Variants in POU2F2 observed in about 807,000 individuals in gnomAD.
The protein encoded by POU2F2 is POU domain, class 2, transcription factor 2.
A neutral mutation model predicts 63.5 loss-of-function variants in POU2F2; 14 were observed. That is an observed-to-expected ratio of 0.22 (90% CI 0.15 to 0.34). The LOEUF (loss-of-function observed/expected upper bound fraction) is 0.34, where lower values mean the gene tolerates loss of function less well. Ranked by LOEUF, POU2F2 falls within the 10% of genes least tolerant of loss-of-function variation. The probability of loss-of-function intolerance (pLI) is 1.00; values close to 1 mark genes in which losing one functional copy is unlikely to be tolerated. For synonymous variants in POU2F2, 306 were observed against 348.6 expected (o/e 0.88, Z 1.36); for missense variants, 607 against 815.2 (o/e 0.74, Z 3.11).
At chr19:42,111,814 C>T (rs1224161645) in intron 5 of POU2F2, among the ~76,000 whole-genome samples, 1 of 151,962 alleles carries the variant, frequency 6.6e-6, no homozygotes, top group Non-Finnish European at 1.5e-5. Context: ...CCCCTGCAGT[C>T]CATTCTCCTA....
In POU2F2 at chr19:42,162,984, G is replaced by A. The variant is rs1000522570; in HGVS notation, c.-69-2592C>T. Among the ~76,000 whole-genome samples, 7 of 152,104 alleles carry A rather than the reference G, an allele frequency of 4.6e-5. No individual in the cohort carries two copies. Among genetic ancestry groups the A allele is most frequent in the African/African-American group, 1.2e-4 (5 of 41,412 alleles). On this transcript the variant is annotated intron_variant, in intron 1 of 6. Transcript: ENST00000524801. The surrounding 1 kb of genome is among the most constrained non-coding windows in gnomAD (Gnocchi z 4.1). ...ATCTCTCAGCATCTCACATTTGTTC[G>A]GCGAGTGTCATCCCATGACACTGCT... is the stretch of plus-strand genomic sequence containing the variant.
chr19:42,099,854 C>CAGGACTCAGGCTATCTT, intron 5 of POU2F2, 33 bp from the exon 6 acceptor site: 1 of 1,527,732 alleles, frequency 6.5e-7, no homozygotes, highest in Non-Finnish European at 8.9e-7. Flanking sequence ...GAAAGATAGC[C>CAGGACTCAGGCTATCTT]TGAGTCCTGG....
intron 1 of POU2F2, among the ~76,000 whole-genome samples, chr19:42,166,659 G>A (rs1280267686): frequency 6.6e-6 from 1 of 152,118 alleles, no homozygotes; most frequent in African/African-American, 2.4e-5. Context: ...TCTGACAATG[G>A]GAGTAAGGAG....
At position 42,117,525 on chromosome 19, in the gene POU2F2, T is replaced by C; in HGVS notation, c.187-93A>G. ...GGTGTGGACATGAGGGTGCAGTCTG[T>C]GGTCCTGCACTGACCGCTGGGAGCT... On this transcript the variant is annotated intron_variant, in intron 4 of 14. Coordinates refer to ENST00000692977, the MANE Select transcript of POU2F2 (RefSeq NM_001394376.1). This position sits in a 1 kb window ranked among gnomAD's most constrained non-coding sequence, Gnocchi z 4.4. 1 of 649,870 alleles carries C rather than the reference T, an allele frequency of 1.5e-6. No individual in the cohort carries two copies. The highest frequency in any genetic ancestry group is 2.7e-6 in the Non-Finnish European group (1 of 374,272). The allele number at this position is 649,870 out of a possible 1,614,324, so 40.3% of individuals were successfully genotyped here. A position where few individuals can be genotyped will look rare whatever the true frequency, so the allele number is the denominator to read the frequency against.
At position 42,092,256 on chromosome 19, in the gene POU2F2, A is replaced by C. The variant is rs752311813; in HGVS notation, c.1279T>G (p.Ser427Ala). The change falls in exon 13 of 15, where the codon TCA becomes GCA. Residue 427 changes from serine to alanine, a missense_variant. Physicochemically the swap from Ser to Ala is moderately conservative, Grantham distance 99. Coordinates refer to ENST00000692977, the MANE Select transcript of POU2F2 (RefSeq NM_001394376.1). The surrounding 1 kb of genome is among the most constrained non-coding windows in gnomAD (Gnocchi z 5.0). ...CTGGGGTGGAGCGTCCCCACAGCTG[A>C]GGATAAGGTAGTAACTGCCAGAGAG... ...SLSTTVTTLS[S>A]AVGTLHPSRT... The C allele has an allele frequency of 6.4e-6, 10 of 1,553,482 alleles. No individual in the cohort carries two copies. Among genetic ancestry groups the C allele is most frequent in the Non-Finnish European group, 7.0e-6 (8 of 1,146,676 alleles).
chr19:42,185,536 AACC>A (rs1344077682), intron 1 of POU2F2, among the ~76,000 whole-genome samples: 2 of 151,980 alleles, frequency 1.3e-5, no homozygotes, highest in East Asian at 1.9e-4. Flanking sequence ...AACCACACCA[AACC>A]ACCACCACTT....
chr19:42,191,781 G>C (rs987471362), intron 1 of POU2F2, among the ~76,000 whole-genome samples: 8 of 152,222 alleles, frequency 5.3e-5, no homozygotes, highest in African/African-American at 1.9e-4. Flanking sequence ...TGGGATCAGA[G>C]AGCAGGATGC....
intron 1 of POU2F2, among the ~76,000 whole-genome samples, chr19:42,163,738 A>G (rs2034596290): frequency 6.6e-6 from 1 of 152,204 alleles, no homozygotes; most frequent in South Asian, 2.1e-4. Flanking sequence ...CCAAGCCTCA[A>G]TGTCTTCATT....
intron 1 of POU2F2, among the ~76,000 whole-genome samples, chr19:42,182,421 G>A (rs1258531333): frequency 9.9e-5 from 15 of 151,906 alleles, no homozygotes; most frequent in Admixed American, 2.0e-4. Flanking sequence ...GCTAGGAGGA[G>A]GAAGGGAGGT....
chr19:42,111,846 A>G (rs2031152783), intron 5 of POU2F2, among the ~76,000 whole-genome samples: 2 of 152,138 alleles, frequency 1.3e-5, no homozygotes, highest in African/African-American at 4.8e-5. Context: ...CGATTAGTAC[A>G]GTCACTCCAC....
intron 5 of POU2F2, among the ~76,000 whole-genome samples, chr19:42,107,119 G>A (rs1438638295): frequency 3.9e-5 from 6 of 152,276 alleles, no homozygotes; most frequent in East Asian, 3.9e-4. Flanking sequence ...AGGCCAAGGC[G>A]GGCGAATCAC....
At chr19:42,192,759 C>A (rs1467960695) in intron 1 of POU2F2, among the ~76,000 whole-genome samples, 2 of 152,122 alleles carry the variant, frequency 1.3e-5, no homozygotes, top group African/African-American at 4.8e-5. Flanking sequence ...AAGTAAACCA[C>A]AATGATAAAC....
chr19:42,153,835 C>T lies in POU2F2; in HGVS notation c.-9+6497G>A, dbSNP rs1405868782. ...CTCTGAGTGGGGGAGGGTGGCGAGG[C>T]AGCAGGGGCTGCCACGGAGACACTG... is the stretch of plus-strand genomic sequence containing the variant. On this transcript the variant is annotated intron_variant, in intron 2 of 6. Transcript: ENST00000524801. The surrounding 1 kb of genome is among the most constrained non-coding windows in gnomAD (Gnocchi z 5.6). Among the ~76,000 whole-genome samples the T allele has an allele frequency of 6.6e-6, 1 of 152,084 alleles. No individual in the cohort carries two copies. The highest frequency in any genetic ancestry group is 1.5e-5 in the Non-Finnish European group (1 of 67,994).
upstream of POU2F2, among the ~76,000 whole-genome samples, chr19:42,196,907 T>G (rs2035155401): frequency 6.6e-6 from 1 of 151,970 alleles, no homozygotes; most frequent in African/African-American, 2.4e-5. Context: ...CTGAACAGGG[T>G]TAAGGGGGAG....
At chr19:42,097,946 C>T (rs1946577611) in intron 7 of POU2F2, among the ~76,000 whole-genome samples, 1 of 152,168 alleles carries the variant, frequency 6.6e-6, no homozygotes, top group Non-Finnish European at 1.5e-5. Flanking sequence ...TCTCATCATC[C>T]ACCCACTCTC....
At chr19:42,182,027 G>T (rs1274216731) in intron 1 of POU2F2, among the ~76,000 whole-genome samples, 1 of 152,090 alleles carries the variant, frequency 6.6e-6, no homozygotes, top group East Asian at 1.9e-4. Context: ...GAGGATAAAG[G>T]GTGTAAGATA....
rs142627698 is a variant in POU2F2, at chr19:42,170,964, G to A, written c.-70+4999C>T. On this transcript the variant is annotated intron_variant, in intron 1 of 6. Coordinates refer to the POU2F2 transcript ENST00000524801. ...CTGACCAGCCATCTCGGCCATCAGC[G>A]GCCTCGGCCATTAGTCGGCTCCTGC... Among the ~76,000 whole-genome samples, 145 of 152,352 alleles carry A rather than the reference G, an allele frequency of 9.5e-4. 1 individual carries two copies. The East Asian group carries it at 0.024, about 25-fold the overall frequency.
At chr19:42,188,189 AC>A (rs1055384191) in intron 1 of POU2F2, among the ~76,000 whole-genome samples, 16 of 151,814 alleles carry the variant, frequency 1.1e-4, no homozygotes, top group Admixed American at 5.9e-4. Flanking sequence ...ACATAGTGAA[AC>A]CCCGTCTCTA....
In POU2F2 at chr19:42,095,900, G is replaced by A. The variant is rs745516089; in HGVS notation, c.759C>T (p.Leu253=). The stretch of plus-strand genomic sequence containing the variant: ...TCGTCTGGCTGAAGTCGTTGCCGTA[G>A]AGCTTGCCCATGGCCAGGCCCACAT... The part of the protein sequence containing the change: ...QGDVGLAMGK[L]YGNDFSQTTI... The change falls in exon 9 of 15, where the codon CTC becomes CTT. Residue 253 remains leucine (L), a synonymous_variant. Transcript: ENST00000692977. This position sits in a 1 kb window ranked among gnomAD's most constrained non-coding sequence, Gnocchi z 7.1. 254 of 1,613,924 alleles carry A rather than the reference G, an allele frequency of 1.6e-4. 4 individuals are homozygous for A. In the South Asian group the frequency reaches 2.1e-3, roughly 13 times the overall value.
Sources: gnomAD v4.1 joint callset for allele counts (sites outside exome capture counted in the v4.1 genomes callset) on GRCh38, gnomAD v4.1.1 for gene constraint, Gnocchi (gnomAD v3.1) non-coding constraint, MANE v1.5 for transcripts, NCBI Gene and HGNC (gene_info 2026-07-23, HGNC 2026-07-21) for gene names.